The following EHMT1 variants were observed in gnomAD, a reference collection of about 807,000 sequenced individuals.
The protein encoded by EHMT1 is histone-lysine N-methyltransferase EHMT1.
In EHMT1, 15 loss-of-function variants were observed where a neutral mutation model predicts 147.2. That is an observed-to-expected ratio of 0.10 (90% confidence interval 0.07 to 0.16). EHMT1 has a LOEUF of 0.16. Ranked by LOEUF, EHMT1 falls within the 10% of genes least tolerant of loss-of-function variation. EHMT1 has a pLI of 1.00. For missense variants in EHMT1, 1,587 were observed against 1,772.4 expected (o/e 0.90, Z 1.88); for synonymous variants, 795 against 709.6 (o/e 1.12, Z -1.91).
In EHMT1 at chr9:137,757,942, G is replaced by A. The variant is rs775949069; in HGVS notation, c.1432G>A (p.Gly478Arg). 3.1e-6 allele frequency: 5 copies of A among 1,614,082 alleles called. No homozygotes were observed. The highest frequency in any genetic ancestry group is 4.2e-6 in the Non-Finnish European group (5 of 1,180,020). ...GCAGACGGCACCAGGAGACAGCACAGGGTACATGGAAGTTTCTCTGGACTC... is the reference window on the plus strand; with the variant it reads ...GCAGACGGCACCAGGAGACAGCACAAGGTACATGGAAGTTTCTCTGGACTC... ...AEQTAPGDST[G>R]YMEVSLDSLD... Residue 478 changes from glycine to arginine, a missense_variant, in exon 9 of 27, where the codon GGG becomes AGG. By Grantham distance (125) the Gly-to-Arg change is moderately radical (BLOSUM62 -2). Coordinates refer to ENST00000460843, the MANE Select transcript of EHMT1 (RefSeq NM_024757.5).
In EHMT1 at chr9:137,828,058, C is replaced by T. The variant is rs954564645; in HGVS notation, c.3541-6291C>T. Among the ~76,000 whole-genome samples, 2 of 152,266 alleles carry T rather than the reference C, an allele frequency of 1.3e-5. No individual in the cohort carries two copies. The highest frequency in any genetic ancestry group is 2.1e-4 in the South Asian group (1 of 4,824). On this transcript the variant is annotated intron_variant, in intron 25 of 26. Transcript: ENST00000460843. The surrounding 1 kb of genome is among the most constrained non-coding windows in gnomAD (Gnocchi z 5.3). ...ACGGGGTGGTCGGCCCGGCTGCCATCGTGGGAGGGACGTGGACGAACGGCA... is the reference window on the plus strand; with the variant it reads ...ACGGGGTGGTCGGCCCGGCTGCCATTGTGGGAGGGACGTGGACGAACGGCA...
At chr9:137,654,870 C>T (rs1237037957) in intron 1 of EHMT1, among the ~76,000 whole-genome samples, 2 of 152,174 alleles carry the variant, frequency 1.3e-5, no homozygotes, top group Non-Finnish European at 2.9e-5. Flanking sequence ...TGGTGGGGTA[C>T]AGCCAAGCTG....
rs1346948682 is a variant in EHMT1, at chr9:137,835,725, AAAC to A, written c.*775_*777del. The A allele has an allele frequency of 1.3e-5, 2 of 152,632 alleles. No homozygotes were observed. The highest frequency in any genetic ancestry group is 2.1e-4 in the South Asian group (1 of 4,828). The allele number at this position is 152,632 out of a possible 1,614,324, so 9.5% of individuals were successfully genotyped here. ...AACATTAGGACAAACACAAAATAAA[AAAC>A]AAAACACAGACAACGGTGCTGATTC... On this transcript the variant is annotated 3_prime_UTR_variant, in exon 27 of 27. Coordinates refer to ENST00000460843, the MANE Select transcript of EHMT1 (RefSeq NM_024757.5).
intron 1 of EHMT1, among the ~76,000 whole-genome samples, chr9:137,631,904 G>C (rs1246080645): frequency 6.6e-6 from 1 of 152,094 alleles, no homozygotes; most frequent in Non-Finnish European, 1.5e-5. Flanking sequence ...GATTATAATA[G>C]AGGCTAGAAA....
chr9:137,703,828 C>A (rs1944034170), intron 1 of EHMT1, among the ~76,000 whole-genome samples: 1 of 152,084 alleles, frequency 6.6e-6, no homozygotes, highest in Non-Finnish European at 1.5e-5. Flanking sequence ...ATCTTTATAG[C>A]AATGCCCTAC....
chr9:137,791,434 A>C (rs1326777529), intron 16 of EHMT1, among the ~76,000 whole-genome samples: 1 of 152,214 alleles, frequency 6.6e-6, no homozygotes, highest in East Asian at 1.9e-4. Flanking sequence ...AATTAACACA[A>C]AAAAATCAGT....
At chr9:137,695,147 G>A (rs867821148) in intron 1 of EHMT1, among the ~76,000 whole-genome samples, 1 of 152,210 alleles carries the variant, frequency 6.6e-6, no homozygotes, top group African/African-American at 2.4e-5. Context: ...CTGGATTACC[G>A]GCCGCCCGGC....
At chr9:137,798,996 C>G in intron 17 of EHMT1, 82 bp downstream of exon 17, 3 of 1,197,234 alleles carry the variant, frequency 2.5e-6, no homozygotes, top group East Asian at 2.4e-5. Context: ...TGGTCCCACC[C>G]CCATTCTCCA....
Position 137,787,853 on chromosome 9 carries a change from T to A in EHMT1, c.2383-2995T>A. 1 of 1,066,462 alleles carries A rather than the reference T, an allele frequency of 9.4e-7. No individual in the cohort carries two copies. 66.1% of individuals were successfully genotyped at this position (1,066,462 alleles called of 1,614,324 possible). Reference sequence around the variant, plus strand: ...AGGCAGAGCTGGTTGACGGTGGACATTGGGGATAGGAGGTGGGTGGGGGTG... The same window carrying A: ...AGGCAGAGCTGGTTGACGGTGGACAATGGGGATAGGAGGTGGGTGGGGGTG... On this transcript the variant is annotated intron_variant, in intron 15 of 26. Transcript: ENST00000460843. The surrounding 1 kb of genome is among the most constrained non-coding windows in gnomAD (Gnocchi z 4.2).
chr9:137,653,431 T>A (rs954471169), intron 1 of EHMT1, among the ~76,000 whole-genome samples: 4 of 152,170 alleles, frequency 2.6e-5, no homozygotes, highest in Non-Finnish European at 5.9e-5. Flanking sequence ...ACGTTGAATT[T>A]CCCAGAAGGT....
intron 1 of EHMT1, among the ~76,000 whole-genome samples, chr9:137,645,387 C>T (rs1394048620): frequency 6.6e-6 from 1 of 152,158 alleles, no homozygotes; most frequent in Non-Finnish European, 1.5e-5. Context: ...TTCATGTGTT[C>T]CTTAATTTGT....
chr9:137,790,526 C>T (rs1952446018), intron 15 of EHMT1, among the ~76,000 whole-genome samples: 1 of 152,174 alleles, frequency 6.6e-6, no homozygotes, highest in South Asian at 2.1e-4. Flanking sequence ...GCCCCTCCCT[C>T]CCCCTTCTTT....
chr9:137,707,022 G>A (rs886540195), intron 1 of EHMT1, among the ~76,000 whole-genome samples: 1 of 151,996 alleles, frequency 6.6e-6, no homozygotes, highest in South Asian at 2.1e-4. Flanking sequence ...ACGGGGTTTC[G>A]CCATGTTGGC....
chr9:137,718,510 TTG>T (rs1301450722), intron 3 of EHMT1, among the ~76,000 whole-genome samples: 1 of 152,194 alleles, frequency 6.6e-6, no homozygotes, highest in African/African-American at 2.4e-5. Context: ...ATTGGAGGAT[TTG>T]TGTCTTCAGC....
At chr9:137,752,195 C>G (rs10867058) in intron 6 of EHMT1, 136 bp from the exon 7 acceptor site, 1 of 1,071,466 alleles carries the variant, frequency 9.3e-7, no homozygotes. Context: ...GCGGCGCCCC[C>G]GCCCCGCGAG....
intron 1 of EHMT1, among the ~76,000 whole-genome samples, chr9:137,621,527 G>T (rs963266927): frequency 6.6e-6 from 1 of 151,944 alleles, no homozygotes; most frequent in African/African-American, 2.4e-5. Flanking sequence ...TTGAAACCCT[G>T]TCTCTACTGA....
intron 8 of EHMT1, among the ~76,000 whole-genome samples, chr9:137,755,764 G>A (rs902032586): frequency 2.6e-5 from 4 of 152,302 alleles, no homozygotes; most frequent in Admixed American, 2.6e-4. Flanking sequence ...GTGGATCTGT[G>A]GGTGTGCAGT....
In EHMT1 at chr9:137,777,994, C is replaced by T. The variant is rs779593564; in HGVS notation, c.2131C>T (p.Leu711Phe). The change falls in exon 13 of 27, where the codon CTT becomes TTT. Residue 711 changes from leucine to phenylalanine, a missense_variant. By Grantham distance (22) the Leu-to-Phe change is conservative. Around this residue, in one of 7 missense-constraint regions of EHMT1, gnomAD observed 77 missense variants for 79.3 expected, o/e 0.97. Transcript: ENST00000460843. The part of the protein sequence containing the change: ...PAGLGRPTPG[L>F]SQGPGKETLE... Reference sequence around the variant, plus strand: ...TGGGCTTGGGAGGCCAACTCCCGGCCTTTCCCAGGGACCAGGGAAGGAAAC... The same window carrying T: ...TGGGCTTGGGAGGCCAACTCCCGGCTTTTCCCAGGGACCAGGGAAGGAAAC... The T allele has an allele frequency of 9.9e-6, 16 of 1,613,778 alleles. No individual in the cohort carries two copies. In the East Asian group the frequency reaches 3.3e-4, roughly 34 times the overall value.
chr9:137,810,824 C>A (rs1954416364), intron 18 of EHMT1, among the ~76,000 whole-genome samples: 1 of 151,990 alleles, frequency 6.6e-6, no homozygotes. Context: ...CTCAGCCTCG[C>A]AAGTAGCTGG....
Sources: gnomAD v4.1 joint callset for allele counts (sites outside exome capture counted in the v4.1 genomes callset) on GRCh38, gnomAD v4.1.1 for gene constraint, gnomAD v4.1.1 regional missense constraint, Gnocchi (gnomAD v3.1) non-coding constraint, MANE v1.5 for transcripts, NCBI Gene and HGNC (gene_info 2026-07-23, HGNC 2026-07-21) for gene names.